Variants in FHOD3 observed in about 807,000 individuals in gnomAD.
FHOD3 encodes the protein FH1/FH2 domain-containing protein 3.
In FHOD3, 90 loss-of-function variants were observed where a neutral mutation model predicts 173.0. The ratio of observed to expected loss-of-function variants is 0.52; its 90% CI spans 0.44 to 0.62. The LOEUF is 0.62. Ranked by LOEUF, FHOD3 falls within the 20% of genes least tolerant of loss-of-function variation. The pLI is 0.00. For synonymous variants in FHOD3, 828 were observed against 823.0 expected (o/e 1.01, Z -0.10); for missense variants, 1,945 against 2,034.7 (o/e 0.96, Z 0.85).
chr18:36,452,173 A>G (rs1172255460), intron 3 of FHOD3, among the ~76,000 whole-genome samples: 2 of 152,062 alleles, frequency 1.3e-5, no homozygotes, highest in Non-Finnish European at 2.9e-5. Flanking sequence ...TGGTGCCACA[A>G]ATGCTGGGTA....
At chr18:36,647,323 A>G (rs1421330061) in intron 10 of FHOD3, among the ~76,000 whole-genome samples, 1 of 152,222 alleles carries the variant, frequency 6.6e-6, no homozygotes, top group Non-Finnish European at 1.5e-5. Context: ...AAAGAAGAGC[A>G]TATCCAAATG....
chr18:36,667,674 A>G (rs895431096), intron 14 of FHOD3, among the ~76,000 whole-genome samples: 1 of 152,206 alleles, frequency 6.6e-6, no homozygotes, highest in Admixed American at 6.5e-5. Flanking sequence ...GGTACTCACC[A>G]TGAATGGAGC....
In FHOD3 at chr18:36,297,991, G is replaced by T. The variant is rs1316354271; in HGVS notation, c.156G>T (p.Ala52=). 1 of 1,548,486 alleles carries T rather than the reference G, an allele frequency of 6.5e-7. No homozygotes were observed. Among genetic ancestry groups the T allele is most frequent in the South Asian group, 1.2e-5 (1 of 82,926 alleles). Reference sequence around the variant, plus strand: ...CGGGGGTCCATAGGCTGCTGCAGGCGCCGCACAAGGTACGACCCGGCGGGG... The same window carrying T: ...CGGGGGTCCATAGGCTGCTGCAGGCTCCGCACAAGGTACGACCCGGCGGGG... ...QLAGVHRLLQ[A]PHKLDDCTLQ... The change falls in exon 1 of 29, where the codon GCG becomes GCT. Residue 52 remains alanine, a synonymous_variant. Coordinates refer to ENST00000590592, the MANE Select transcript of FHOD3 (RefSeq NM_001281740.3).
At chr18:36,379,908 T>G (rs2047649941) in intron 3 of FHOD3, among the ~76,000 whole-genome samples, 1 of 152,160 alleles carries the variant, frequency 6.6e-6, no homozygotes, top group East Asian at 1.9e-4. Context: ...TTATAGAAAT[T>G]TTGGTATCCA....
chr18:36,332,192 G>A (rs2045052386), intron 1 of FHOD3, among the ~76,000 whole-genome samples: 1 of 152,210 alleles, frequency 6.6e-6, no homozygotes, highest in South Asian at 2.1e-4. Context: ...GGATGAATTT[G>A]GAGCTGAGAG....
rs1053933786 is a variant in FHOD3, at chr18:36,760,718, G to T, written c.4560G>T (p.Ser1520=). 3 of 1,613,008 alleles carry T rather than the reference G, an allele frequency of 1.9e-6. No homozygotes were observed. The highest frequency in any genetic ancestry group is 2.5e-6 in the Non-Finnish European group (3 of 1,180,002). Residue 1520 remains serine (S), a synonymous_variant, in exon 27 of 29, where the codon TCG becomes TCT. Coordinates refer to ENST00000590592, the MANE Select transcript of FHOD3 (RefSeq NM_001281740.3). ...ACATGAAGGCTGTGCTGAAAACCTC[G>T]TCCCCCTCCGTGGAGGACGCCACCC... ...HENMKAVLKT[S]SPSVEDATPA... is the part of the protein sequence containing the mutation.
intron 1 of FHOD3, among the ~76,000 whole-genome samples, chr18:36,322,415 T>C (rs559769771): frequency 6.6e-6 from 1 of 152,244 alleles, no homozygotes; most frequent in South Asian, 2.1e-4. Flanking sequence ...TCTTTTCTGC[T>C]GAATCTCAGG....
chr18:36,746,559 T>C (rs1192346448), intron 23 of FHOD3, among the ~76,000 whole-genome samples: 1 of 152,204 alleles, frequency 6.6e-6, no homozygotes, highest in Non-Finnish European at 1.5e-5. Context: ...CTAGGGTGCA[T>C]TTCTCAACTT....
At chr18:36,427,478 A>G (rs935669430) in intron 3 of FHOD3, among the ~76,000 whole-genome samples, 4 of 152,110 alleles carry the variant, frequency 2.6e-5, no homozygotes, top group Non-Finnish European at 5.9e-5. Context: ...CTCTTCCCAA[A>G]GGGAGAACTT....
intron 24 of FHOD3, among the ~76,000 whole-genome samples, chr18:36,752,902 T>A (rs2042465468): frequency 6.6e-6 from 1 of 152,174 alleles, no homozygotes. Flanking sequence ...TGCATACAGA[T>A]CTTGAATAGT....
intron 6 of FHOD3, among the ~76,000 whole-genome samples, chr18:36,590,563 T>A (rs2059182839): frequency 6.6e-6 from 1 of 152,228 alleles, no homozygotes; most frequent in Non-Finnish European, 1.5e-5. Context: ...CTAAAGTGAT[T>A]TAACTAATAT....
At chr18:36,491,241 T>C (rs1446972398) in intron 3 of FHOD3, among the ~76,000 whole-genome samples, 1 of 152,224 alleles carries the variant, frequency 6.6e-6, no homozygotes, top group Non-Finnish European at 1.5e-5. Context: ...TTGGATATAA[T>C]TTTTTAAGCA....
intron 2 of FHOD3, among the ~76,000 whole-genome samples, chr18:36,363,230 A>C (rs1264620966): frequency 1.3e-5 from 2 of 152,236 alleles, no homozygotes; most frequent in African/African-American, 4.8e-5. Context: ...TTTGGAAGAC[A>C]GTCTGGTAGT....
chr18:36,731,861 G>A (rs975795848), intron 20 of FHOD3, among the ~76,000 whole-genome samples: 3 of 152,226 alleles, frequency 2.0e-5, no homozygotes, highest in Non-Finnish European at 4.4e-5. Flanking sequence ...TTGGAAGGAA[G>A]GGACCTTCAT....
At chr18:36,357,200 C>T (rs568870015) in intron 2 of FHOD3, among the ~76,000 whole-genome samples, 93 of 152,160 alleles carry the variant, frequency 6.1e-4, no homozygotes, top group Non-Finnish European at 1.3e-3. Context: ...TATTTGACTT[C>T]AGTATGTACT....
intron 22 of FHOD3, among the ~76,000 whole-genome samples, chr18:36,743,742 A>G (rs1189181638): frequency 6.6e-6 from 1 of 152,214 alleles, no homozygotes; most frequent in Non-Finnish European, 1.5e-5. Flanking sequence ...AAAGGGAGGA[A>G]GAAGTAGATA....
intron 17 of FHOD3, 99 bp from the exon 18 acceptor site, chr18:36,708,996 T>A: frequency 7.0e-7 from 1 of 1,425,092 alleles, no homozygotes; most frequent in Middle Eastern, 1.8e-4. Context: ...TTTGGACATC[T>A]GTCCACCACA....
chr18:36,565,050 C>G (rs1297988059), intron 5 of FHOD3, among the ~76,000 whole-genome samples: 1 of 152,134 alleles, frequency 6.6e-6, no homozygotes, highest in Non-Finnish European at 1.5e-5. Flanking sequence ...AAGAGTATTT[C>G]TTTGACAGTT....
chr18:36,753,924 T>G lies in FHOD3; in HGVS notation c.4233-1195T>G, dbSNP rs73949888. Among the ~76,000 whole-genome samples the G allele has an allele frequency of 4.0e-3, 604 of 152,368 alleles. 4 individuals are homozygous for G. The highest frequency in any genetic ancestry group is 0.014 in the African/African-American group (581 of 41,586). On this transcript the variant is annotated intron_variant, in intron 24 of 28. Coordinates refer to ENST00000590592, the MANE Select transcript of FHOD3 (RefSeq NM_001281740.3). ...TTAGTGTTGCGTTGTAAGATTCCTTTATATATTCTGACACAAGTCCCTTAT... is the reference window on the plus strand; with the variant it reads ...TTAGTGTTGCGTTGTAAGATTCCTTGATATATTCTGACACAAGTCCCTTAT...
Sources: allele counts gnomAD v4.1 joint callset (sites outside exome capture counted in the v4.1 genomes callset), GRCh38; gene constraint gnomAD v4.1.1; transcripts MANE v1.5; gene names NCBI Gene and HGNC (gene_info 2026-07-23, HGNC 2026-07-21).